DARS2: variants seen among roughly 807,000 people sequenced by gnomAD.
DARS2 encodes aspartyl-tRNA synthetase 2, mitochondrial, also known as aspartate--tRNA ligase, mitochondrial.
DARS2 carries 63 observed loss-of-function variants against 83.0 expected under a neutral mutation model. That is an observed-to-expected ratio of 0.76 (90% confidence interval 0.62 to 0.94). The LOEUF (loss-of-function observed/expected upper bound fraction) is 0.94. Ranked by LOEUF, DARS2 falls within the 40% of genes least tolerant of loss-of-function variation. The probability of loss-of-function intolerance (pLI) is 0.00; values close to 1 mark genes in which losing one functional copy is unlikely to be tolerated. For missense variants in DARS2, 675 were observed against 774.4 expected, an observed-to-expected ratio of 0.87 and a Z score of 1.52; for synonymous variants, 250 against 269.3, an observed-to-expected ratio of 0.93 and a Z score of 0.70.
intron 7 of DARS2, among the ~76,000 whole-genome samples, chr1:173,834,782 G>GTTTTTTTTTTTTTTTT (rs558344998): frequency 1.1e-4 from 3 of 26,754 alleles, no homozygotes; most frequent in African/African-American, 4.8e-4. Context: ...TTTTTTTTTT[G>GTTTTTTTTTTTTTTTT]TTTTTTTTTT....
At chr1:173,848,627 T>G (rs1231013601) in intron 12 of DARS2, among the ~76,000 whole-genome samples, 3 of 152,270 alleles carry the variant, frequency 2.0e-5, no homozygotes, top group African/African-American at 7.2e-5. Flanking sequence ...TTGTTACTGA[T>G]GAGAAGTCTG....
At chr1:173,831,686 C>G in intron 5 of DARS2, 56 bp downstream of exon 5, 2 of 1,313,344 alleles carry the variant, frequency 1.5e-6, no homozygotes, top group Non-Finnish European at 2.2e-6. Flanking sequence ...GATGACTAGT[C>G]AAGTATTTTC....
At chr1:173,856,479 TA>T (rs1463496156) in intron 15 of DARS2, among the ~76,000 whole-genome samples, 186 bp from the exon 16 acceptor site, 1 of 152,262 alleles carries the variant, frequency 6.6e-6, no homozygotes, top group Non-Finnish European at 1.5e-5. Context: ...CTTTTTCCCT[TA>T]CTAACCTGCA....
chr1:173,831,396 G>A (rs1299232884), intron 4 of DARS2, 139 bp from the exon 5 acceptor site: 1 of 763,162 alleles, frequency 1.3e-6, no homozygotes, highest in Non-Finnish European at 2.4e-6. Flanking sequence ...ATCATGCACA[G>A]ACATGTATGT....
In DARS2 at chr1:173,853,544, C is replaced by T; in HGVS notation, c.1540C>T (p.Leu514Phe). ...TGCTCCCCACCCCAGTGACATACATCTCCTGTACACTGAGCCCAAAAAGGT... is the reference window on the plus strand; with the variant it reads ...TGCTCCCCACCCCAGTGACATACATTTCCTGTACACTGAGCCCAAAAAGGT... Reference protein sequence around the residue: ...FTAPHPSDIHLLYTEPKKARS... With the variant: ...FTAPHPSDIHFLYTEPKKARS... The change falls in exon 14 of 17, where the codon CTC (leucine) becomes TTC (phenylalanine). Residue 514 changes from leucine (L) to phenylalanine (F), a missense_variant. Coordinates refer to ENST00000649689, the MANE Select transcript of DARS2 (RefSeq NM_018122.5). 1 of 1,614,100 alleles carries T rather than the reference C, an allele frequency of 6.2e-7. No homozygotes were observed. The highest frequency in any genetic ancestry group is 1.7e-5 in the Admixed American group (1 of 60,002).
chr1:173,834,782 G>GTTTTTTTTTTTTT (rs558344998), intron 7 of DARS2, among the ~76,000 whole-genome samples: 2 of 26,754 alleles, frequency 7.5e-5, no homozygotes, highest in Middle Eastern at 0.019. Flanking sequence ...TTTTTTTTTT[G>GTTTTTTTTTTTTT]TTTTTTTTTT....
At chr1:173,850,203 A>G in intron 12 of DARS2, 124 bp from the exon 13 acceptor site, 1 of 1,132,128 alleles carries the variant, frequency 8.8e-7, no homozygotes, top group Non-Finnish European at 1.2e-6. Flanking sequence ...TGGAGATAAT[A>G]GAGACAATCT....
At chr1:173,848,812 T>C (rs1360788908) in intron 12 of DARS2, among the ~76,000 whole-genome samples, 2 of 152,374 alleles carry the variant, frequency 1.3e-5, no homozygotes, top group African/African-American at 2.4e-5. Context: ...CGAAGGTTTA[T>C]GTCTTTTTAT....
rs528772984 is a variant in DARS2, at chr1:173,828,312, T to C, written c.228-21T>C. 1.1e-5 allele frequency: 17 copies of C among 1,551,400 alleles called. No individual in the cohort carries two copies. The highest frequency in any genetic ancestry group is 4.6e-5 in the East Asian group (2 of 43,168). On this transcript the variant is annotated intron_variant, in intron 2 of 16. Coordinates refer to ENST00000649689, the MANE Select transcript of DARS2 (RefSeq NM_018122.5). ...GAGATTTTATCTTAAAATGTTTCTT[T>C]TCCCCCCCCCCATTAATCAGGCAAA...
chr1:173,825,452 T>C (rs1183096870), intron 1 of DARS2, 96 bp downstream of exon 1: 2 of 95,398 alleles, frequency 2.1e-5, no homozygotes, highest in South Asian at 3.6e-4. Context: ...TTTCCCCCAT[T>C]ATTATTATTA....
At chr1:173,857,218 C>G (rs887956893) in intron 16 of DARS2, among the ~76,000 whole-genome samples, 1 of 152,160 alleles carries the variant, frequency 6.6e-6, no homozygotes, top group Non-Finnish European at 1.5e-5. Context: ...AGTTCCCTGC[C>G]AAGCACCAAA....
intron 11 of DARS2, among the ~76,000 whole-genome samples, chr1:173,842,296 T>C (rs1653255199): frequency 3.1e-5 from 2 of 64,384 alleles, no homozygotes; most frequent in East Asian, 5.1e-4. Flanking sequence ...TTTTTTTTTT[T>C]TTTTTTTTTT....
At position 173,839,510 on chromosome 1, in the gene DARS2, T is replaced by C; in HGVS notation, c.984T>C (p.Tyr328=). 1 of 1,614,166 alleles carries C rather than the reference T, an allele frequency of 6.2e-7. No homozygotes were observed. Among genetic ancestry groups the C allele is most frequent in the Non-Finnish European group, 8.5e-7 (1 of 1,180,018 alleles). ...TMTFAEVLAT[Y]GTDKPDTRFG... ...CTTTTGCTGAGGTGCTGGCCACCTA[T>C]GGAACTGATAAACCTGACACTCGCT... Residue 328 remains tyrosine, a synonymous_variant, in exon 10 of 17, where the codon TAT becomes TAC. Transcript: ENST00000649689.
rs1421113019 is a variant in DARS2 at position 173,833,355 on chromosome 1, AAAATCTTTCAATTTCTTTAGAAAACAG to A, written c.493-19_500del. The A allele has an allele frequency of 6.5e-7, 1 of 1,532,772 alleles. No homozygotes were observed. Among genetic ancestry groups the A allele is most frequent in the Non-Finnish European group, 8.8e-7 (1 of 1,138,826 alleles). The allele number at this position is 1,532,772 out of a possible 1,614,324, so 94.9% of individuals were successfully genotyped here. A position where few individuals can be genotyped will look rare whatever the true frequency, so the allele number is the denominator to read the frequency against. ...TAATATTGAAAAATATTTAAATATA[AAAATCTTTCAATTTCTTTAGAAAACAG>A]AGGCTCTTCGGTTGCAGTATCGCTA... On this transcript the variant is annotated splice_acceptor_variant and splice_polypyrimidine_tract_variant and coding_sequence_variant and intron_variant, in exon 6 of 17. Transcript: ENST00000649689. LOFTEE classifies it high-confidence loss of function.
intron 12 of DARS2, among the ~76,000 whole-genome samples, chr1:173,849,466 A>G (rs1031789343): frequency 6.6e-6 from 1 of 150,898 alleles, no homozygotes; most frequent in African/African-American, 2.5e-5. Flanking sequence ...CCCGAGAGGC[A>G]GACTGCAGTG....
chr1:173,826,136 A>G (rs1222161368), intron 1 of DARS2, among the ~76,000 whole-genome samples: 1 of 151,718 alleles, frequency 6.6e-6, no homozygotes. Flanking sequence ...AGGCAGGAGA[A>G]TGGCGTGAAC....
chr1:173,824,926 A>G lies in DARS2; in HGVS notation c.-304A>G. On this transcript the variant is annotated 5_prime_UTR_variant, in exon 1 of 17. Transcript: ENST00000649689. Reference sequence around the variant, plus strand: ...GCTCGCGCCTGGCGCCGCTACGTGGAGTCGCTCTCTCGTCGTCACTTTTGG... The same window carrying G: ...GCTCGCGCCTGGCGCCGCTACGTGGGGTCGCTCTCTCGTCGTCACTTTTGG... 1 of 362,534 alleles carries G rather than the reference A, an allele frequency of 2.8e-6. No homozygotes were observed. The highest frequency in any genetic ancestry group is 2.2e-5 in the South Asian group (1 of 45,584). The allele number at this position is 362,534 out of a possible 1,614,324, so 22.5% of individuals were successfully genotyped here.
chr1:173,850,551 A>C, intron 13 of DARS2, 72 bp downstream of exon 13: 2 of 1,457,784 alleles, frequency 1.4e-6, no homozygotes, highest in Non-Finnish European at 1.9e-6. Flanking sequence ...TGTATATAGT[A>C]TACGTTTGAA....
At position 173,844,965 on chromosome 1, in the gene DARS2, TG is replaced by T. The variant is rs199567721; in HGVS notation, c.1129-263del. On this transcript the variant is annotated intron_variant, in intron 11 of 16. Coordinates refer to ENST00000649689, the MANE Select transcript of DARS2 (RefSeq NM_018122.5). ...CCTGCCACCATACCAGACTAATTTT[TG>T]TATTTTTAGTAGAGACGGGGTTTCA... Among the ~76,000 whole-genome samples, 1,339 of 151,772 alleles carry T rather than the reference TG, an allele frequency of 8.8e-3. 18 individuals are homozygous for T. Among genetic ancestry groups the T allele is most frequent in the African/African-American group, 0.029 (1,216 of 41,418 alleles).
Sources: gnomAD v4.1 joint callset for allele counts (sites outside exome capture counted in the v4.1 genomes callset) on GRCh38, gnomAD v4.1.1 for gene constraint, MANE v1.5 for transcripts, NCBI Gene and HGNC (gene_info 2026-07-23, HGNC 2026-07-21) for gene names.